The following RAB5C variants were observed in gnomAD, a reference collection of about 807,000 sequenced individuals.
The protein encoded by RAB5C is RAB5C, member RAS oncogene family.
A neutral mutation model predicts 25.2 loss-of-function variants in RAB5C; 4 were observed. The observed-to-expected ratio is 0.16, with a 90% CI of 0.08 to 0.36. The LOEUF is 0.36. RAB5C is among the 10% of genes least tolerant of loss of function. The probability of loss-of-function intolerance (pLI) is 1.00; values close to 1 mark genes in which losing one functional copy is unlikely to be tolerated. For synonymous variants in RAB5C, 100 were observed against 106.4 expected, an observed-to-expected ratio of 0.94 and a Z score of 0.37; for missense variants, 199 against 283.8, an observed-to-expected ratio of 0.70 and a Z score of 2.15.
intron 1 of RAB5C, among the ~76,000 whole-genome samples, chr17:42,141,406 G>C (rs990627322): frequency 6.6e-6 from 1 of 152,214 alleles, no homozygotes; most frequent in African/African-American, 2.4e-5. Flanking sequence ...TGTGTTAACA[G>C]CACATAACAG....
chr17:42,127,891 A>G (rs2054444185), intron 4 of RAB5C, among the ~76,000 whole-genome samples: 2 of 151,016 alleles, frequency 1.3e-5, no homozygotes, highest in Admixed American at 6.6e-5. Flanking sequence ...CAGTGTTGCA[A>G]TCACTGCAAT....
chr17:42,131,546 C>T, intron 1 of RAB5C: 1 of 1,467,190 alleles, frequency 6.8e-7, no homozygotes, highest in Non-Finnish European at 9.2e-7. Context: ...GAAACACACA[C>T]CAAAGTCATA....
At position 42,125,917 on chromosome 17, in the gene RAB5C, A is replaced by G. The variant is rs756191895; in HGVS notation, c.536-19T>C. On this transcript the variant is annotated intron_variant, in intron 5 of 5. Coordinates refer to ENST00000346213, the MANE Select transcript of RAB5C (RefSeq NM_004583.4). ...TTCTTAGCTGTTTGGGAGGGGGAAAAGTGCATTTGTTGGGGGTACCCCAAT... is the reference window on the plus strand; with the variant it reads ...TTCTTAGCTGTTTGGGAGGGGGAAAGGTGCATTTGTTGGGGGTACCCCAAT... The G allele has an allele frequency of 1.9e-6, 3 of 1,572,960 alleles. No homozygotes were observed. The South Asian group carries it at 3.4e-5, about 18-fold the overall frequency.
Position 42,130,465 on chromosome 17 carries a change from G to T in RAB5C, c.38C>A (p.Pro13Gln). ...GRGGAARPNG[P>Q]AAGNKICQFK... ...TTGACAGATCTTGTTCCCAGCAGCTGGTCCATTGGGTCGTGCTGCGCCTCC... is the reference window on the plus strand; with the variant it reads ...TTGACAGATCTTGTTCCCAGCAGCTTGTCCATTGGGTCGTGCTGCGCCTCC... The change falls in exon 2 of 6, where the codon CCA becomes CAA. Residue 13 changes from proline to glutamine, a missense_variant. By Grantham distance (76) the Pro-to-Gln change is moderately conservative. Transcript: ENST00000346213. The T allele has an allele frequency of 6.2e-7, 1 of 1,614,104 alleles. No homozygotes were observed. Among genetic ancestry groups the T allele is most frequent in the Non-Finnish European group, 8.5e-7 (1 of 1,180,022 alleles).
At chr17:42,132,414 T>C (rs2144069530) in intron 1 of RAB5C, among the ~76,000 whole-genome samples, 1 of 152,374 alleles carries the variant, frequency 6.6e-6, no homozygotes, top group Middle Eastern at 3.4e-3. Context: ...TTTCATAGTT[T>C]AAGACGCTTT....
chr17:42,128,213 G>A, intron 4 of RAB5C, 48 bp downstream of exon 4: 2 of 1,585,168 alleles, frequency 1.3e-6, no homozygotes, highest in Non-Finnish European at 1.7e-6. Flanking sequence ...GCGAGGCCGG[G>A]GGGAGCTGCT....
intron 1 of RAB5C, among the ~76,000 whole-genome samples, chr17:42,140,072 C>T (rs1188129345): frequency 6.6e-6 from 1 of 152,194 alleles, no homozygotes; most frequent in Non-Finnish European, 1.5e-5. Flanking sequence ...GGGTCAGAAG[C>T]ACCAGCCAGG....
Position 42,125,233 on chromosome 17 carries a change from G to C in RAB5C, c.*550C>G, listed in dbSNP as rs2054405961. On this transcript the variant is annotated 3_prime_UTR_variant, in exon 6 of 6. Transcript: ENST00000346213. Reference sequence around the variant, plus strand: ...ACAATAATGCTGTGATAATGCTGTGGTTTCCCAGCAGGGAGGTGGGAGCGG... The same window carrying C: ...ACAATAATGCTGTGATAATGCTGTGCTTTCCCAGCAGGGAGGTGGGAGCGG... The C allele has an allele frequency of 6.5e-6, 1 of 153,478 alleles. No homozygotes were observed. The highest frequency in any genetic ancestry group is 1.5e-5 in the Non-Finnish European group (1 of 68,650). 9.5% of individuals were successfully genotyped at this position (153,478 alleles called of 1,614,324 possible). A position where few individuals can be genotyped will look rare whatever the true frequency, so the allele number is the denominator to read the frequency against.
At chr17:42,131,395 C>G (rs2014521) in intron 1 of RAB5C, among the ~76,000 whole-genome samples, 54,356 of 151,768 alleles carry the variant, frequency 0.36, 13,204 homozygotes, top group African/African-American at 0.7. Flanking sequence ...CACACACAAA[C>G]ACACACAGAA....
chr17:42,146,149 C>T (rs1036897704), intron 1 of RAB5C, among the ~76,000 whole-genome samples: 1 of 152,054 alleles, frequency 6.6e-6, no homozygotes, highest in Non-Finnish European at 1.5e-5. Flanking sequence ...TCAAAACTGT[C>T]AAGGTCATCA....
chr17:42,151,692 A>G (rs1246312834), intron 1 of RAB5C, among the ~76,000 whole-genome samples: 1 of 152,088 alleles, frequency 6.6e-6, no homozygotes, highest in East Asian at 1.9e-4. Context: ...TTCATTTTCT[A>G]GCCATTAGGA....
intron 1 of RAB5C, among the ~76,000 whole-genome samples, chr17:42,132,781 G>A (rs139170195): frequency 0.011 from 1,654 of 151,806 alleles, 34 homozygotes; most frequent in African/African-American, 0.038. Context: ...CAACCCTCCC[G>A]CCTCAGCTTC....
rs369608994 is a variant in RAB5C at position 42,137,028 on chromosome 17, G to A, written c.-88-6438C>T. On this transcript the variant is annotated intron_variant, in intron 1 of 5. Transcript: ENST00000346213. ...AAACTGAAAAAAGCACATTGCCGCC[G>A]GGTGAGGTGGCTCATGCCTGTAATC... Among the ~76,000 whole-genome samples the A allele has an allele frequency of 5.9e-5, 9 of 152,298 alleles. No individual in the cohort carries two copies. In the East Asian group the frequency reaches 7.7e-4, roughly 13 times the overall value.
intron 1 of RAB5C, among the ~76,000 whole-genome samples, chr17:42,144,900 T>C: frequency 1.0e-5 from 1 of 96,998 alleles, no homozygotes; most frequent in African/African-American, 3.9e-5. Context: ...GCATCCAGCC[T>C]GGGCGACAGA....
At chr17:42,143,672 A>G (rs2079615628) in intron 1 of RAB5C, among the ~76,000 whole-genome samples, 2 of 152,238 alleles carry the variant, frequency 1.3e-5, no homozygotes, top group African/African-American at 4.8e-5. Context: ...AGAAGTAACC[A>G]AAAACCAAAA....
intron 1 of RAB5C, among the ~76,000 whole-genome samples, chr17:42,149,076 T>C (rs1240771268): frequency 6.6e-6 from 1 of 152,202 alleles, no homozygotes; most frequent in African/African-American, 2.4e-5. Context: ...ACCAAGCTAT[T>C]AATGCAGAGG....
intron 1 of RAB5C, among the ~76,000 whole-genome samples, chr17:42,150,043 C>G (rs2079660282): frequency 1.3e-5 from 2 of 152,040 alleles, no homozygotes; most frequent in South Asian, 2.1e-4. Flanking sequence ...TGCCACCACG[C>G]CTGACTAATT....
At chr17:42,131,696 C>T in intron 1 of RAB5C, 1 of 1,282,212 alleles carries the variant, frequency 7.8e-7, no homozygotes, top group African/African-American at 1.5e-5. Context: ...GTCCTGCATC[C>T]CCAACAGCTG....
chr17:42,128,273 G>A lies in RAB5C; in HGVS notation c.429C>T (p.Ala143=), dbSNP rs2230326. ...GNKADLASKR[A]VEFQEAQAYA... is the part of the protein sequence containing the mutation. ...GTCATCTCCCCACCTGGAATTCCAC[G>A]GCTCTCTTGCTGGCCAGGTCTGCCT... Residue 143 remains alanine, a synonymous_variant, in exon 4 of 6, where the codon GCC becomes GCT. Transcript: ENST00000346213. 0.18 allele frequency: 289,331 copies of A among 1,612,852 alleles called. 28,732 individuals carry two copies. The highest frequency in any genetic ancestry group is 0.42 in the African/African-American group (31,186 of 74,880).
Sources: gnomAD v4.1 joint callset for allele counts (sites outside exome capture counted in the v4.1 genomes callset) on GRCh38, gnomAD v4.1.1 for gene constraint, MANE v1.5 for transcripts, NCBI Gene and HGNC (gene_info 2026-07-23, HGNC 2026-07-21) for gene names.